The following RBX1 variants were observed in gnomAD, a reference collection of about 807,000 sequenced individuals.
RBX1 encodes the protein E3 ubiquitin-protein ligase RBX1.
For synonymous variants in RBX1, 48 were observed against 47.9 expected, an observed-to-expected ratio of 1.00 and a Z score of -0.01; for missense variants, 46 against 141.4, an observed-to-expected ratio of 0.33 and a Z score of 3.42.
At chr22:40,956,927 T>C (rs1156925878) in intron 2 of RBX1, among the ~76,000 whole-genome samples, 1 of 151,732 alleles carries the variant, frequency 6.6e-6, no homozygotes, top group Non-Finnish European at 1.5e-5. Flanking sequence ...CCCAGCTACT[T>C]GAGAGGCTGA....
intron 3 of RBX1, chr22:40,966,577 C>CT (rs1432878942): frequency 3.9e-5 from 6 of 152,236 alleles, no homozygotes; most frequent in Non-Finnish European, 8.8e-5. Context: ...GGCTGTCACT[C>CT]TAAGAGAATA....
chr22:40,953,014 G>C (rs1352104766), intron 1 of RBX1, among the ~76,000 whole-genome samples: 1 of 102,416 alleles, frequency 9.8e-6, no homozygotes, highest in Non-Finnish European at 1.9e-5. Context: ...TTTTTGAGAT[G>C]GAGTCTCACT....
In RBX1 at chr22:40,963,083, G is replaced by A. The variant is rs556845955; in HGVS notation, c.158-964G>A. Among the ~76,000 whole-genome samples the A allele has an allele frequency of 1.4e-4, 20 of 144,888 alleles. No individual in the cohort carries two copies. In the East Asian group the frequency reaches 2.2e-3, roughly 16 times the overall value. ...TCTTGAACTCCTGACCTCGTGATCC[G>A]CCTGCCTCAGCCTCCCAAAGTGCTG... On this transcript the variant is annotated intron_variant, in intron 2 of 4. Coordinates refer to ENST00000216225, the MANE Select transcript of RBX1 (RefSeq NM_014248.4).
chr22:40,971,149 A>G (rs1043414109), intron 4 of RBX1, among the ~76,000 whole-genome samples: 3 of 152,202 alleles, frequency 2.0e-5, no homozygotes, highest in Admixed American at 1.3e-4. Context: ...ACATGTGCCC[A>G]GGGCTAAATC....
chr22:40,951,427 C>T lies in RBX1; in HGVS notation c.29C>T (p.Pro10Leu), dbSNP rs372518642. Residue 10 changes from proline to leucine, a missense_variant, in exon 1 of 5, where the codon CCG (proline) becomes CTG (leucine). By Grantham distance (98) the Pro-to-Leu change is moderately conservative. Transcript: ENST00000216225. Reference protein sequence around the residue: MAAAMDVDTPSGTNSGAGKK... With the variant: MAAAMDVDTLSGTNSGAGKK... ...GCGGCAGCGATGGATGTGGATACCC[C>T]GAGCGGCACCAACAGCGGCGCGGGC... is the stretch of plus-strand genomic sequence containing the variant. 1.2e-6 allele frequency: 2 copies of T among 1,613,578 alleles called. No homozygotes were observed. The highest frequency in any genetic ancestry group is 1.7e-6 in the Non-Finnish European group (2 of 1,179,802).
intron 3 of RBX1, 161 bp downstream of exon 3, chr22:40,964,278 C>T: frequency 1.8e-6 from 1 of 546,756 alleles, no homozygotes; most frequent in East Asian, 3.1e-5. Flanking sequence ...ATACTATTCA[C>T]CTGTTACAGG....
At position 40,953,720 on chromosome 22, in the gene RBX1, G is replaced by C; in HGVS notation, c.157+87G>C. 3.3e-6 allele frequency: 3 copies of C among 900,810 alleles called. No individual in the cohort carries two copies. In the East Asian group the frequency reaches 7.8e-5, roughly 24 times the overall value. The allele number at this position is 900,810 out of a possible 1,614,324, so 55.8% of individuals were successfully genotyped here. On this transcript the variant is annotated intron_variant, in intron 2 of 4. Coordinates refer to ENST00000216225, the MANE Select transcript of RBX1 (RefSeq NM_014248.4). ...ATGTGACTGATTTTCTTCTTCACAC[G>C]AGGAGATAGCAAGCCTACTCTGAGC...
intron 2 of RBX1, among the ~76,000 whole-genome samples, chr22:40,962,107 G>C (rs999678858): frequency 1.3e-5 from 2 of 151,430 alleles, no homozygotes; most frequent in African/African-American, 4.9e-5. Context: ...TTGTTTGTTT[G>C]TTTGTTTTTT....
intron 2 of RBX1, among the ~76,000 whole-genome samples, chr22:40,958,165 G>A (rs2058330648): frequency 6.6e-6 from 1 of 151,680 alleles, no homozygotes; most frequent in African/African-American, 2.4e-5. Flanking sequence ...TTGCTGTGTT[G>A]TCCAGGCTTG....
intron 2 of RBX1, among the ~76,000 whole-genome samples, chr22:40,961,536 C>T (rs1004109813): frequency 6.6e-6 from 1 of 151,936 alleles, no homozygotes; most frequent in Non-Finnish European, 1.5e-5. Context: ...GCCTCAGCCT[C>T]CTGAGTAGCT....
intron 2 of RBX1, among the ~76,000 whole-genome samples, chr22:40,961,659 C>T (rs2146300335): frequency 6.6e-6 from 1 of 152,272 alleles, no homozygotes; most frequent in South Asian, 2.1e-4. Context: ...CCGCCTCAGC[C>T]TCCCAAAACG....
At chr22:40,956,693 A>T (rs1389363357) in intron 2 of RBX1, among the ~76,000 whole-genome samples, 2 of 147,920 alleles carry the variant, frequency 1.4e-5, no homozygotes, top group Non-Finnish European at 3.0e-5. Flanking sequence ...AAGTGCCGGG[A>T]TTATAGGTGT....
intron 3 of RBX1, among the ~76,000 whole-genome samples, chr22:40,965,494 G>T (rs944419448): frequency 6.6e-6 from 1 of 150,602 alleles, no homozygotes; most frequent in Non-Finnish European, 1.5e-5. Context: ...AGGCTGGAGC[G>T]CAGTGACGCA....
intron 2 of RBX1, among the ~76,000 whole-genome samples, chr22:40,960,470 C>G (rs1159844130): frequency 2.6e-5 from 4 of 152,118 alleles, no homozygotes; most frequent in Non-Finnish European, 5.9e-5. Context: ...GGAAAGGACT[C>G]TACCGTGAAG....
intron 2 of RBX1, among the ~76,000 whole-genome samples, chr22:40,958,709 C>T (rs1197601881): frequency 6.6e-6 from 1 of 152,166 alleles, no homozygotes; most frequent in Non-Finnish European, 1.5e-5. Context: ...GAATCTTCAT[C>T]ATCTTAGACC....
chr22:40,952,986 T>TTA (rs1304122319), intron 1 of RBX1, among the ~76,000 whole-genome samples: 2 of 116,702 alleles, frequency 1.7e-5, no homozygotes, highest in African/African-American at 5.1e-5. Flanking sequence ...TTGTGCCCTT[T>TTA]TTTTTTTTTT....
chr22:40,956,645 C>T (rs2058326251), intron 2 of RBX1, among the ~76,000 whole-genome samples: 1 of 151,926 alleles, frequency 6.6e-6, no homozygotes, highest in African/African-American at 2.4e-5. Flanking sequence ...CCCATTCAAA[C>T]TCCTGGCCTC....
intron 2 of RBX1, among the ~76,000 whole-genome samples, chr22:40,963,508 G>A (rs574035530): frequency 9.2e-5 from 14 of 152,104 alleles, no homozygotes; most frequent in African/African-American, 2.4e-4. Flanking sequence ...GGTGGTGTGC[G>A]CCTGTTAATT....
intron 4 of RBX1, 135 bp downstream of exon 4, chr22:40,968,019 T>C: frequency 1.8e-6 from 1 of 567,478 alleles, no homozygotes; most frequent in African/African-American, 1.9e-5. Flanking sequence ...AGCTAGGACT[T>C]ATCTATATGG....
Sources: gnomAD v4.1 joint callset for allele counts (sites outside exome capture counted in the v4.1 genomes callset) on GRCh38, gnomAD v4.1.1 for gene constraint, MANE v1.5 for transcripts, NCBI Gene and HGNC (gene_info 2026-07-23, HGNC 2026-07-21) for gene names.